RP2: variants seen among roughly 807,000 people sequenced by gnomAD.
RP2 encodes RP2 activator of ARL3 GTPase.
In RP2, 3 loss-of-function variants were observed where a neutral mutation model predicts 20.3. The ratio of observed to expected loss-of-function variants is 0.15; its 90% confidence interval spans 0.07 to 0.38. The LOEUF is 0.38. Among genes scored for constraint, RP2 ranks in the 10% least tolerant of loss-of-function variants. The pLI is 1.00. For synonymous variants in RP2, 75 were observed against 94.8 expected, an observed-to-expected ratio of 0.79 and a Z score of 1.22; for missense variants, 233 against 268.5, an observed-to-expected ratio of 0.87 and a Z score of 0.92.
intron 1 of RP2, among the ~76,000 whole-genome samples, chrX:46,847,783 C>T (rs376753617): frequency 1.4e-5 from 1 of 73,822 alleles, no homozygotes; most frequent in Non-Finnish European, 2.4e-5. Context: ...TGTGTACATA[C>T]ACACATGTGT....
intron 1 of RP2, among the ~76,000 whole-genome samples, chrX:46,839,552 C>CA (rs1359672211): frequency 2.6e-4 from 26 of 100,527 alleles, no homozygotes; most frequent in African/African-American, 6.1e-4. Context: ...ACCCTGTTTC[C>CA]AAAAAAAAAA....
At chrX:46,866,248 G>A (rs190712345) in intron 3 of RP2, among the ~76,000 whole-genome samples, 1 of 111,679 alleles carries the variant, frequency 9.0e-6, no homozygotes, top group Non-Finnish European at 1.9e-5. Flanking sequence ...CCATGATCTG[G>A]GTGCTAGGTG....
chrX:46,858,727 CCT>C (rs1372046513), intron 2 of RP2, among the ~76,000 whole-genome samples: 4 of 111,234 alleles, frequency 3.6e-5, no homozygotes, highest in African/African-American at 9.8e-5. Context: ...CCCACCTTGG[CCT>C]CTCAGAGTGC....
chrX:46,878,218 CA>C (rs782087351), intron 4 of RP2, among the ~76,000 whole-genome samples: 8 of 107,934 alleles, frequency 7.4e-5, no homozygotes, highest in African/African-American at 1.0e-4. Flanking sequence ...ACTAAAAATA[CA>C]AAAAAAAATT....
chrX:46,868,784 TCAAA>T, intron 3 of RP2, among the ~76,000 whole-genome samples: 1 of 68,490 alleles, frequency 1.5e-5, no homozygotes, highest in Admixed American at 1.9e-4. Flanking sequence ...ATACTCCATC[TCAAA>T]AAAAAAAAAA....
intron 1 of RP2, among the ~76,000 whole-genome samples, chrX:46,847,707 TATAC>T (rs1200108366): frequency 3.7e-5 from 3 of 80,342 alleles, no homozygotes; most frequent in Admixed American, 1.5e-4. Flanking sequence ...TGTGTGTATA[TATAC>T]ACACATATAT....
At chrX:46,865,394 T>G (rs1009241115) in intron 3 of RP2, among the ~76,000 whole-genome samples, 1 of 112,083 alleles carries the variant, frequency 8.9e-6, no homozygotes, top group Non-Finnish European at 1.9e-5. Flanking sequence ...CTGGTTAGAC[T>G]AGGGTTATGG....
At chrX:46,847,676 C>A (rs965872963) in intron 1 of RP2, among the ~76,000 whole-genome samples, 1 of 90,787 alleles carries the variant, frequency 1.1e-5, no homozygotes, top group Non-Finnish European at 2.1e-5. Flanking sequence ...ATATCTATAT[C>A]GATCACACTA....
intron 1 of RP2, among the ~76,000 whole-genome samples, chrX:46,850,496 CT>C (rs1488866521): frequency 3.6e-5 from 4 of 111,982 alleles, no homozygotes; most frequent in African/African-American, 6.5e-5. Flanking sequence ...AACTTCTAAG[CT>C]TTATATAATA....
chrX:46,851,956 A>T (rs1204442255), intron 1 of RP2, among the ~76,000 whole-genome samples: 7 of 111,011 alleles, frequency 6.3e-5, no homozygotes, highest in African/African-American at 2.3e-4. Flanking sequence ...AGTCCCAGCA[A>T]CTCGGGAGGC....
chrX:46,840,938 G>A (rs782778227), intron 1 of RP2, among the ~76,000 whole-genome samples: 1 of 112,155 alleles, frequency 8.9e-6, no homozygotes, highest in Non-Finnish European at 1.9e-5. Context: ...CCAGAAATTC[G>A]AGTATCTATT....
At chrX:46,841,744 C>T (rs1223298151) in intron 1 of RP2, among the ~76,000 whole-genome samples, 2 of 112,743 alleles carry the variant, frequency 1.8e-5, no homozygotes, top group African/African-American at 6.4e-5. Context: ...AGGAGGTGAC[C>T]TCTCAATGGG....
At chrX:46,837,939 G>A (rs782484913) in intron 1 of RP2, among the ~76,000 whole-genome samples, 11 of 111,884 alleles carry the variant, frequency 9.8e-5, no homozygotes, top group Non-Finnish European at 1.5e-4. Context: ...AGCCAGAAAC[G>A]AAAAACCTTT....
At chrX:46,858,474 ATT>A (rs1467061059) in intron 2 of RP2, among the ~76,000 whole-genome samples, 1 of 103,257 alleles carries the variant, frequency 9.7e-6, no homozygotes. Flanking sequence ...ATATGACTAC[ATT>A]TTTTTTTTTT....
intron 3 of RP2, among the ~76,000 whole-genome samples, chrX:46,875,289 TTC>T (rs1455645070): frequency 9.4e-6 from 1 of 106,730 alleles, no homozygotes; most frequent in Non-Finnish European, 1.9e-5. Context: ...TTTCTGTATT[TTC>T]TTTCTTTTTT....
intron 2 of RP2, among the ~76,000 whole-genome samples, chrX:46,858,245 T>C (rs1925001319): frequency 1.8e-5 from 2 of 111,646 alleles, no homozygotes. Flanking sequence ...TTTTTTGTAG[T>C]TCTATGGATT....
At chrX:46,865,888 C>T (rs1370527846) in intron 3 of RP2, among the ~76,000 whole-genome samples, 1 of 108,936 alleles carries the variant, frequency 9.2e-6, no homozygotes, top group African/African-American at 3.4e-5. Flanking sequence ...AGATTGCCAC[C>T]GCAGTCCAGC....
chrX:46,851,882 C>G (rs1361516809), intron 1 of RP2, among the ~76,000 whole-genome samples: 1 of 110,180 alleles, frequency 9.1e-6, no homozygotes, highest in Admixed American at 9.6e-5. Context: ...CTGGGTAACA[C>G]AGTGAAACCC....
intron 1 of RP2, among the ~76,000 whole-genome samples, chrX:46,845,227 A>C (rs1838572483): frequency 1.8e-5 from 2 of 111,763 alleles, no homozygotes; most frequent in Admixed American, 1.9e-4. Context: ...GACTAAGATC[A>C]TAAGTTTTAT....
Sources: allele counts gnomAD v4.1 joint callset (sites outside exome capture counted in the v4.1 genomes callset), GRCh38; gene constraint gnomAD v4.1.1; transcripts MANE v1.5; gene names NCBI Gene and HGNC (gene_info 2026-07-23, HGNC 2026-07-21).